Variants in CLTCL1 observed in about 807,000 individuals in gnomAD.
CLTCL1 encodes the protein clathrin heavy chain like 1, also known as clathrin heavy chain 2.
CLTCL1 carries 159 observed loss-of-function variants against 190.0 expected under a neutral mutation model. The ratio of observed to expected loss-of-function variants is 0.84; its 90% CI spans 0.74 to 0.95. The LOEUF (loss-of-function observed/expected upper bound fraction) is 0.95, where lower values mean the gene tolerates loss of function less well. Ranked by LOEUF, CLTCL1 falls within the 40% of genes least tolerant of loss-of-function variation. The probability of loss-of-function intolerance (pLI) is 0.00; values close to 1 mark genes in which losing one functional copy is unlikely to be tolerated. For missense variants in CLTCL1, 1,878 were observed against 2,033.4 expected (o/e 0.92, Z 1.47); for synonymous variants, 752 against 769.6 (o/e 0.98, Z 0.38).
chr22:19,253,760 G>C (rs576108210), intron 3 of CLTCL1, among the ~76,000 whole-genome samples, 199 bp downstream of exon 3: 1 of 151,760 alleles, frequency 6.6e-6, no homozygotes, highest in East Asian at 1.9e-4. Flanking sequence ...GAGTGCAGTG[G>C]CGCAATCTTG....
At chr22:19,203,711 G>C (rs1282962833) in intron 22 of CLTCL1, among the ~76,000 whole-genome samples, 1 of 152,168 alleles carries the variant, frequency 6.6e-6, no homozygotes, top group Non-Finnish European at 1.5e-5. Context: ...GGTGCTGCCT[G>C]TCCCTGGAGG....
Position 19,208,915 on chromosome 22 carries a change from CACTT to C in CLTCL1, c.3442+3_3442+6del, listed in dbSNP as rs1226379768. ...TGCAGAGCCCTAGGGAGAGGGGACT[CACTT>C]ACTGCTCCTGCTGGCTGACTGAACA... is the stretch of plus-strand genomic sequence containing the variant. On this transcript the variant is annotated splice_donor_5th_base_variant and intron_variant, in intron 21 of 32. Transcript: ENST00000427926. 1.9e-6 allele frequency: 3 copies of C among 1,598,198 alleles called. No individual in the cohort carries two copies. The highest frequency in any genetic ancestry group is 1.3e-5 in the African/African-American group (1 of 74,652).
chr22:19,180,617 C>G (rs2084101748), intron 31 of CLTCL1, 114 bp downstream of exon 31: 1 of 1,005,182 alleles, frequency 9.9e-7, no homozygotes, highest in African/African-American at 1.6e-5. Context: ...ATCCTTCCAG[C>G]CCCCACCCAT....
Position 19,208,145 on chromosome 22 carries a change from A to G in CLTCL1, c.3600+9T>C. 1 of 1,613,872 alleles carries G rather than the reference A, an allele frequency of 6.2e-7. No individual in the cohort carries two copies. The highest frequency in any genetic ancestry group is 8.5e-7 in the Non-Finnish European group (1 of 1,179,880). On this transcript the variant is annotated intron_variant, in intron 22 of 32. Transcript: ENST00000427926. The stretch of plus-strand genomic sequence containing the variant: ...TGGCAGTGCACAGCCCCCAGGGGGC[A>G]TGGCCTACCTGCTGGATGTGGGCAT...
intron 30 of CLTCL1, 102 bp downstream of exon 30, chr22:19,183,287 TG>T: frequency 1.1e-6 from 1 of 935,714 alleles, no homozygotes. Flanking sequence ...GAATCTGGGT[TG>T]GCCTCAAAGG....
At chr22:19,256,071 T>A (rs1426781579) in intron 2 of CLTCL1, among the ~76,000 whole-genome samples, 2 of 152,124 alleles carry the variant, frequency 1.3e-5, no homozygotes, top group Non-Finnish European at 2.9e-5. Flanking sequence ...TCAGAACACT[T>A]AAAATTGCCA....
At position 19,281,355 on chromosome 22, in the gene CLTCL1, A is replaced by G. The variant is rs1226887952; in HGVS notation, c.43-5525T>C. 2.0e-5 allele frequency among the ~76,000 whole-genome samples: 3 copies of G among 152,020 alleles called. 1 individual carries two copies. Among genetic ancestry groups the G allele is most frequent in the African/African-American group, 7.2e-5 (3 of 41,386 alleles). ...GGATGGTGGTGATGGCTGCATAACA[A>G]TTTGAATGTACTTAATATCGCTAAA... On this transcript the variant is annotated intron_variant, in intron 1 of 32. Coordinates refer to ENST00000427926, the MANE Select transcript of CLTCL1 (RefSeq NM_007098.4).
At chr22:19,271,863 T>A in intron 2 of CLTCL1, among the ~76,000 whole-genome samples, 1 of 152,120 alleles carries the variant, frequency 6.6e-6, no homozygotes, top group Non-Finnish European at 1.5e-5. Flanking sequence ...TCTCAGGACT[T>A]TGGAAGGCTG....
chr22:19,232,516 A>C lies in CLTCL1; in HGVS notation c.1604T>G (p.Met535Arg). The change falls in exon 10 of 33, where the codon ATG becomes AGG. Residue 535 changes from methionine to arginine, a missense_variant. Transcript: ENST00000427926. The part of the protein sequence containing the change: ...SPEQGLQFSR[M>R]LVQDEEPLAN... ...CAGCGGCTCCTCGTCCTGCACTAGCATTCGAGAAAACTGCAGGCCCTGTTC... is the reference window on the plus strand; with the variant it reads ...CAGCGGCTCCTCGTCCTGCACTAGCCTTCGAGAAAACTGCAGGCCCTGTTC... 6.2e-7 allele frequency: 1 copy of C among 1,614,048 alleles called. No homozygotes were observed. The highest frequency in any genetic ancestry group is 8.5e-7 in the Non-Finnish European group (1 of 1,179,884).
chr22:19,275,584 T>C, intron 2 of CLTCL1, 39 bp downstream of exon 2: 1 of 1,538,612 alleles, frequency 6.5e-7, no homozygotes. Flanking sequence ...GCAGTTAAAA[T>C]GAGGTAAGAT....
intron 19 of CLTCL1, among the ~76,000 whole-genome samples, chr22:19,212,423 C>T (rs1555947287): frequency 6.6e-6 from 1 of 150,798 alleles, no homozygotes; most frequent in East Asian, 1.9e-4. Flanking sequence ...AACAACTAGC[C>T]AGGCATGATG....
chr22:19,285,082 T>C (rs1191610350), intron 1 of CLTCL1, among the ~76,000 whole-genome samples: 3 of 152,164 alleles, frequency 2.0e-5, no homozygotes, highest in Non-Finnish European at 4.4e-5. Context: ...GAGACCATCC[T>C]TGCTAACACG....
At chr22:19,256,270 G>A (rs1454103004) in intron 2 of CLTCL1, among the ~76,000 whole-genome samples, 1 of 151,192 alleles carries the variant, frequency 6.6e-6, no homozygotes, top group Non-Finnish European at 1.5e-5. Context: ...TGATCCTCCT[G>A]CCTCAGCCTC....
At chr22:19,226,919 G>A (rs532530940) in intron 11 of CLTCL1, among the ~76,000 whole-genome samples, 6 of 151,912 alleles carry the variant, frequency 3.9e-5, no homozygotes, top group Non-Finnish European at 8.8e-5. Flanking sequence ...TGTATTTTTA[G>A]TAGAGACAGA....
intron 10 of CLTCL1, among the ~76,000 whole-genome samples, chr22:19,230,308 T>C (rs2085881981): frequency 6.6e-6 from 1 of 152,118 alleles, no homozygotes; most frequent in Admixed American, 6.5e-5. Flanking sequence ...TTCACCATGT[T>C]GGTCAGGCTG....
chr22:19,275,745 T>G lies in CLTCL1; in HGVS notation c.128A>C (p.Lys43Thr). 16 of 1,610,000 alleles carry G rather than the reference T, an allele frequency of 9.9e-6. No homozygotes were observed. The highest frequency in any genetic ancestry group is 1.3e-5 in the Non-Finnish European group (15 of 1,178,236). ...CGTGACCTGTGCCTGCTCACCAACT[T>G]TCTCTCGGATACATATGAACTTGTC... ...ESDKFICIRE[K>T]VGEQAQVTII... Residue 43 changes from lysine (K) to threonine (T), a missense_variant, in exon 2 of 33, where the codon AAA (lysine) becomes ACA (threonine). Lys to Thr is a moderately conservative substitution (Grantham distance 78, BLOSUM62 -1). Coordinates refer to ENST00000427926, the MANE Select transcript of CLTCL1 (RefSeq NM_007098.4).
chr22:19,185,633 C>T (rs1001560248), intron 29 of CLTCL1, among the ~76,000 whole-genome samples: 3 of 152,204 alleles, frequency 2.0e-5, no homozygotes, highest in East Asian at 1.9e-4. Flanking sequence ...GCCCTGTGCT[C>T]GGCCACTTTC....
intron 4 of CLTCL1, among the ~76,000 whole-genome samples, chr22:19,240,343 A>C (rs1167798301): frequency 6.6e-6 from 1 of 152,168 alleles, no homozygotes; most frequent in African/African-American, 2.4e-5. Flanking sequence ...TAAGAGACAC[A>C]AAACAAGGGC....
intron 23 of CLTCL1, among the ~76,000 whole-genome samples, chr22:19,200,700 G>A (rs1324594164): frequency 5.9e-5 from 9 of 152,152 alleles, no homozygotes; most frequent in Admixed American, 5.9e-4. Context: ...AAATTAGCCG[G>A]GCGTGGTGGC....
Sources: gnomAD v4.1 joint callset for allele counts (sites outside exome capture counted in the v4.1 genomes callset) on GRCh38, gnomAD v4.1.1 for gene constraint, MANE v1.5 for transcripts, NCBI Gene and HGNC (gene_info 2026-07-23, HGNC 2026-07-21) for gene names.